AGT: variants seen among roughly 807,000 people sequenced by gnomAD.
The protein encoded by AGT is alpha-1 antiproteinase, antitrypsin.
A neutral mutation model predicts 28.1 loss-of-function variants in AGT; 26 were observed. The ratio of observed to expected loss-of-function variants is 0.92; its 90% confidence interval spans 0.68 to 1.28. The LOEUF (loss-of-function observed/expected upper bound fraction) is 1.28. Ranked by LOEUF, AGT falls within the 50% of genes most tolerant of loss-of-function variation. The probability of loss-of-function intolerance (pLI) is 0.00; values close to 1 mark genes in which losing one functional copy is unlikely to be tolerated. For missense variants in AGT, 596 were observed against 592.3 expected (o/e 1.01, Z -0.06); for synonymous variants, 259 against 259.6 (o/e 1.00, Z 0.02).
At chr1:230,729,606 G>T (rs1049362994) in intron 1 of AGT, among the ~76,000 whole-genome samples, 1 of 152,148 alleles carries the variant, frequency 6.6e-6, no homozygotes, top group Non-Finnish European at 1.5e-5. Flanking sequence ...GAGGGTGACA[G>T]CCTGCCTTCA....
At chr1:230,707,096 C>T (rs1439652958) in intron 2 of AGT, among the ~76,000 whole-genome samples, 1 of 152,252 alleles carries the variant, frequency 6.6e-6, no homozygotes, top group Non-Finnish European at 1.5e-5. Context: ...GCCTTGGGGG[C>T]AGGGGTGAGC....
chr1:230,713,550 C>CA (rs1487692681), intron 1 of AGT, among the ~76,000 whole-genome samples: 1 of 152,332 alleles, frequency 6.6e-6, no homozygotes, highest in East Asian at 1.9e-4. Context: ...GCCCCTGAGA[C>CA]AGGGAGCCCA....
intron 1 of AGT, among the ~76,000 whole-genome samples, chr1:230,721,767 G>A (rs1266510751): frequency 6.6e-6 from 1 of 152,208 alleles, no homozygotes; most frequent in East Asian, 1.9e-4. Flanking sequence ...CCTGCCTTTA[G>A]GATCTGGGGA....
intron 4 of AGT, 128 bp downstream of exon 4, chr1:230,704,065 C>A (rs1404523945): frequency 7.1e-6 from 10 of 1,417,024 alleles, no homozygotes; most frequent in Non-Finnish European, 9.8e-6. Context: ...CCACCTTTGG[C>A]CCTACTCTCC....
chr1:230,708,285 C>G (rs913103292), intron 2 of AGT, among the ~76,000 whole-genome samples: 3 of 152,150 alleles, frequency 2.0e-5, no homozygotes, highest in South Asian at 4.1e-4. Context: ...TGGATGTGCT[C>G]TCTTTCGAAG....
chr1:230,707,613 ACTGCAGGGTTCCCCTTGCACGTTCC>A (rs2102788374), intron 2 of AGT, among the ~76,000 whole-genome samples: 1 of 152,156 alleles, frequency 6.6e-6, no homozygotes, highest in East Asian at 1.9e-4. Flanking sequence ...TGAGCGGGAA[ACTGCAGGGTTCCCCTTGCACGTTCC>A]CTGCAGGGAC....
At chr1:230,735,078 C>T (rs1236111049) in intron 1 of AGT, among the ~76,000 whole-genome samples, 1 of 152,122 alleles carries the variant, frequency 6.6e-6, no homozygotes. Context: ...GAGGGTCGCT[C>T]ATCGCCTCCC....
At position 230,710,767 on chromosome 1, in the gene AGT, A is replaced by C. The variant is rs1205886501; in HGVS notation, c.57T>G (p.Ala19=). 2 of 1,614,214 alleles carry C rather than the reference A, an allele frequency of 1.2e-6. No homozygotes were observed. The highest frequency in any genetic ancestry group is 3.3e-5 in the Admixed American group (2 of 60,030). The change falls in exon 2 of 5, where the codon GCT becomes GCG. Residue 19 remains alanine (A), a synonymous_variant. Coordinates refer to ENST00000366667, the MANE Select transcript of AGT (RefSeq NM_001384479.1). The part of the protein sequence containing the change: ...RATILCLLAW[A]GLAAGDRVYI... ...ACACCCGGTCACCTGCAGCCAGGCCAGCCCAGGCCAGGAGGCAGAGGATGG... is the reference window on the plus strand; with the variant it reads ...ACACCCGGTCACCTGCAGCCAGGCCCGCCCAGGCCAGGAGGCAGAGGATGG...
intron 1 of AGT, among the ~76,000 whole-genome samples, chr1:230,741,803 T>C (rs1363747613): frequency 1.3e-5 from 2 of 152,142 alleles, no homozygotes; most frequent in Non-Finnish European, 2.9e-5. Flanking sequence ...TACAGACATC[T>C]TGCGAGGAGA....
chr1:230,712,518 C>T (rs1177007816), intron 1 of AGT, among the ~76,000 whole-genome samples: 2 of 152,206 alleles, frequency 1.3e-5, no homozygotes, highest in East Asian at 3.8e-4. Context: ...TGCAGAGAAG[C>T]CTAAGCCACC....
intron 1 of AGT, among the ~76,000 whole-genome samples, chr1:230,731,505 C>T (rs984465315): frequency 2.0e-5 from 3 of 152,236 alleles, no homozygotes; most frequent in African/African-American, 4.8e-5. Flanking sequence ...CTTCTCTCTA[C>T]AGCCTTGGAC....
rs1253617452 is a variant in AGT at position 230,745,564 on chromosome 1, C to G, written c.-80G>C. Among the ~76,000 whole-genome samples the G allele has an allele frequency of 2.0e-5, 3 of 152,164 alleles. No homozygotes were observed. The East Asian group carries it at 5.8e-4, about 29-fold the overall frequency. On this transcript the variant is annotated 5_prime_UTR_variant, in exon 1 of 5. Transcript: ENST00000681269. Reference sequence around the variant, plus strand: ...ATCAAGGCACTGGCAGATTCCATGCCTGGTGAGGGTCTACTTTCTGGTTCC... The same window carrying G: ...ATCAAGGCACTGGCAGATTCCATGCGTGGTGAGGGTCTACTTTCTGGTTCC...
chr1:230,744,030 ATG>A lies in AGT; in HGVS notation c.-31+1483_-31+1484del, dbSNP rs1664296806. 2.0e-5 allele frequency among the ~76,000 whole-genome samples: 3 copies of A among 152,348 alleles called. No homozygotes were observed. In the South Asian group the frequency reaches 6.2e-4, roughly 32 times the overall value. ...GAAGAAAATACACTTAACATGATGC[ATG>A]GCCCCCGCTTGGCTCAAAGCTGATT... On this transcript the variant is annotated intron_variant, in intron 1 of 4. Coordinates refer to the AGT transcript ENST00000681269.
chr1:230,731,031 T>C (rs1462586597), intron 1 of AGT, among the ~76,000 whole-genome samples: 1 of 152,204 alleles, frequency 6.6e-6, no homozygotes, highest in African/African-American at 2.4e-5. Flanking sequence ...CTATCACTAA[T>C]CAATGTTATT....
chr1:230,702,933 G>A lies in AGT; in HGVS notation c.*208C>T. The A allele has an allele frequency of 1.7e-6, 1 of 600,906 alleles. No individual in the cohort carries two copies. Among genetic ancestry groups the A allele is most frequent in the Non-Finnish European group, 2.9e-6 (1 of 343,526 alleles). 37.2% of individuals were successfully genotyped at this position (600,906 alleles called of 1,614,324 possible). On this transcript the variant is annotated 3_prime_UTR_variant, in exon 5 of 5. Coordinates refer to ENST00000366667, the MANE Select transcript of AGT (RefSeq NM_001384479.1). ...AACTGGGAGGTGCATTTGTGCCGCT[G>A]CAGGCTTCTACTGCTCACTCCATGC... is the stretch of plus-strand genomic sequence containing the variant.
intron 1 of AGT, among the ~76,000 whole-genome samples, chr1:230,732,431 C>A (rs964621832): frequency 3.3e-5 from 5 of 151,950 alleles, no homozygotes; most frequent in African/African-American, 9.7e-5. Context: ...TGGGATCAAC[C>A]CCAGCTTTCT....
upstream of AGT, among the ~76,000 whole-genome samples, chr1:230,718,605 A>AG (rs1198180551): frequency 1.3e-5 from 2 of 148,856 alleles, no homozygotes; most frequent in African/African-American, 5.0e-5. Flanking sequence ...AAAAAAAAAA[A>AG]AGATTCCACA....
At chr1:230,719,316 G>A (rs950018398), upstream of AGT, among the ~76,000 whole-genome samples, 10 of 152,076 alleles carry the variant, frequency 6.6e-5, no homozygotes, top group African/African-American at 2.4e-4. Context: ...CCATGAGCTG[G>A]AGGAAAACGG....
At chr1:230,731,872 AAAT>A (rs1432191538) in intron 1 of AGT, among the ~76,000 whole-genome samples, 3 of 152,040 alleles carry the variant, frequency 2.0e-5, no homozygotes, top group Non-Finnish European at 2.9e-5. Flanking sequence ...ATCTCAAAAA[AAAT>A]AATAACAACA....
Sources: allele counts gnomAD v4.1 joint callset (sites outside exome capture counted in the v4.1 genomes callset), GRCh38; gene constraint gnomAD v4.1.1; transcripts MANE v1.5; gene names NCBI Gene and HGNC (gene_info 2026-07-23, HGNC 2026-07-21).